The following CASK variants were observed in gnomAD, a reference collection of about 807,000 sequenced individuals.
CASK encodes the protein calcium/calmodulin dependent serine protein kinase.
Under a neutral mutation model 82.9 loss-of-function variants are expected in CASK, and 4 were observed. The observed-to-expected ratio is 0.05, with a 90% confidence interval of 0.02 to 0.11. The LOEUF (loss-of-function observed/expected upper bound fraction) is 0.11. CASK is among the 10% of genes least tolerant of loss of function. The pLI, the probability that CASK is intolerant of heterozygous loss-of-function variation, is 1.00. For missense variants in CASK, 358 were observed against 720.9 expected, an observed-to-expected ratio of 0.50 and a Z score of 5.76; for synonymous variants, 259 against 253.5, an observed-to-expected ratio of 1.02 and a Z score of -0.20.
At chrX:41,886,933 T>C (rs757006244) in intron 1 of CASK, among the ~76,000 whole-genome samples, 1 of 111,414 alleles carries the variant, frequency 9.0e-6, no homozygotes, top group African/African-American at 3.3e-5. Flanking sequence ...AACAGCTTTC[T>C]TTCTTGCTAT....
chrX:41,817,607 T>C (rs2070438968), intron 2 of CASK, among the ~76,000 whole-genome samples: 1 of 111,554 alleles, frequency 9.0e-6, no homozygotes, highest in South Asian at 3.7e-4. Flanking sequence ...TGTGATGTCA[T>C]ATAGGCACTC....
intron 2 of CASK, among the ~76,000 whole-genome samples, chrX:41,821,021 G>A (rs1189651288): frequency 3.6e-5 from 4 of 110,986 alleles, no homozygotes; most frequent in Admixed American, 1.9e-4. Context: ...CAAATTTGAC[G>A]TAGGTGAAAT....
intron 1 of CASK, among the ~76,000 whole-genome samples, chrX:41,855,910 T>A (rs1416362705): frequency 1.1e-4 from 12 of 112,524 alleles, no homozygotes; most frequent in Non-Finnish European, 1.9e-5. Flanking sequence ...AAGGTTCTAC[T>A]TGAGGCAGAT....
chrX:41,537,818 T>TCTATTATTA (rs1555976173), intron 22 of CASK, among the ~76,000 whole-genome samples: 2 of 95,384 alleles, frequency 2.1e-5, no homozygotes, highest in Non-Finnish European at 4.2e-5. Flanking sequence ...GCCTATTACT[T>TCTATTATTA]TTATTATTAT....
intron 8 of CASK, among the ~76,000 whole-genome samples, chrX:41,648,148 A>C (rs181377527): frequency 9.0e-6 from 1 of 111,076 alleles, no homozygotes; most frequent in Admixed American, 9.6e-5. Context: ...CGCACCTAGG[A>C]GTAAGTCTTT....
At position 41,515,544 on chromosome X, in the gene CASK, T is replaced by TCTTA. The variant is rs761768199; in HGVS notation, c.*4872_*4875dup. On this transcript the variant is annotated 3_prime_UTR_variant, in exon 27 of 27. Transcript: ENST00000378163. ...ACTGCAATTAAACACGATACTCGGG[T>TCTTA]CTTAGCACGTGAGGATTGGGCGGCC... The TCTTA allele has an allele frequency of 9.0e-6, 1 of 111,722 alleles. No individual in the cohort carries two copies. The highest frequency in any genetic ancestry group is 9.5e-5 in the Admixed American group (1 of 10,567). The allele number at this position is 111,722 out of a possible 1,213,427, so 9.2% of individuals were successfully genotyped here.
intron 1 of CASK, among the ~76,000 whole-genome samples, chrX:41,871,388 T>C (rs2071705598): frequency 8.9e-6 from 1 of 112,255 alleles, no homozygotes; most frequent in Non-Finnish European, 1.9e-5. Context: ...CAGGAAAGTA[T>C]TGTTCCTTTC....
intron 22 of CASK, among the ~76,000 whole-genome samples, chrX:41,541,595 C>A (rs1184916822): frequency 8.9e-6 from 1 of 112,429 alleles, no homozygotes; most frequent in Non-Finnish European, 1.9e-5. Context: ...TTAAACTTAA[C>A]CCATGTGGCC....
At chrX:41,709,677 A>ATG (rs1431001899) in intron 5 of CASK, among the ~76,000 whole-genome samples, 1 of 111,732 alleles carries the variant, frequency 8.9e-6, no homozygotes, top group Non-Finnish European at 1.9e-5. Context: ...ATATATATAT[A>ATG]AAAGCAGATC....
chrX:41,740,985 C>T (rs1212104883), intron 4 of CASK, among the ~76,000 whole-genome samples: 1 of 111,543 alleles, frequency 9.0e-6, no homozygotes, highest in Non-Finnish European at 1.9e-5. Context: ...TGGGTTCAAG[C>T]GATTTTCCCG....
chrX:41,548,568 G>A (rs555838194), intron 21 of CASK, among the ~76,000 whole-genome samples: 11 of 111,565 alleles, frequency 9.9e-5, no homozygotes, highest in African/African-American at 2.9e-4. Context: ...AAAATACTGC[G>A]AACTCTCAGT....
chrX:41,743,055 C>T (rs1453108255), intron 4 of CASK, among the ~76,000 whole-genome samples: 1 of 111,954 alleles, frequency 8.9e-6, no homozygotes, highest in Non-Finnish European at 1.9e-5. Context: ...TAGGAGAGAC[C>T]ACAAGTCATG....
At chrX:41,669,646 T>C (rs965930538) in intron 6 of CASK, among the ~76,000 whole-genome samples, 2 of 112,002 alleles carry the variant, frequency 1.8e-5, no homozygotes, top group Non-Finnish European at 3.8e-5. Context: ...AAAAATAATT[T>C]AGGATTTTCA....
intron 12 of CASK, among the ~76,000 whole-genome samples, chrX:41,590,920 C>G (rs975382580): frequency 1.3e-4 from 14 of 111,436 alleles, no homozygotes; most frequent in Non-Finnish European, 2.4e-4. Context: ...ATATTTGGGC[C>G]ACATCATACA....
intron 15 of CASK, among the ~76,000 whole-genome samples, chrX:41,572,601 A>G (rs750206821): frequency 6.3e-5 from 7 of 111,894 alleles, no homozygotes; most frequent in Admixed American, 9.5e-5. Context: ...TAGTACTTCT[A>G]TGTCTTTCTT....
intron 1 of CASK, among the ~76,000 whole-genome samples, chrX:41,862,720 A>C (rs1369889162): frequency 9.0e-6 from 1 of 110,620 alleles, no homozygotes; most frequent in Non-Finnish European, 1.9e-5. Flanking sequence ...AAGTTATTGC[A>C]TTAGCCCAAG....
chrX:41,515,851 G>C lies in CASK; in HGVS notation c.*4569C>G, dbSNP rs1233409705. ...CGTGTTCTCTCAGTCACACACCAGA[G>C]AGAATGGAGCTAACACATAAGTAGC... On this transcript the variant is annotated 3_prime_UTR_variant, in exon 27 of 27. Transcript: ENST00000378163. 1 of 112,554 alleles carries C rather than the reference G, an allele frequency of 8.9e-6. No individual in the cohort carries two copies. The highest frequency in any genetic ancestry group is 1.9e-5 in the Non-Finnish European group (1 of 53,300). The allele number at this position is 112,554 out of a possible 1,213,427, so 9.3% of individuals were successfully genotyped here.
At chrX:41,526,726 T>C (rs1430197941) in intron 25 of CASK, among the ~76,000 whole-genome samples, 1 of 112,095 alleles carries the variant, frequency 8.9e-6, no homozygotes, top group East Asian at 2.8e-4. Flanking sequence ...AATTTAATGT[T>C]TATCACAGTA....
At chrX:41,686,994 A>T (rs1220531249) in intron 5 of CASK, among the ~76,000 whole-genome samples, 1 of 112,127 alleles carries the variant, frequency 8.9e-6, no homozygotes, top group African/African-American at 3.2e-5. Flanking sequence ...AGCTTATATA[A>T]AGAAAGAACT....
Sources: gnomAD v4.1 joint callset for allele counts (sites outside exome capture counted in the v4.1 genomes callset) on GRCh38, gnomAD v4.1.1 for gene constraint, MANE v1.5 for transcripts, NCBI Gene and HGNC (gene_info 2026-07-23, HGNC 2026-07-21) for gene names.